TSC22D2: variants seen among roughly 807,000 people sequenced by gnomAD.
The protein encoded by TSC22D2 is TSC22 domain family protein 2.
TSC22D2 carries 5 observed loss-of-function variants against 50.1 expected under a neutral mutation model. That is an observed-to-expected ratio of 0.10 (90% CI 0.05 to 0.21). The LOEUF (loss-of-function observed/expected upper bound fraction) is 0.21. Ranked by LOEUF, TSC22D2 falls within the 10% of genes least tolerant of loss-of-function variation. The pLI, the probability that TSC22D2 is intolerant of heterozygous loss-of-function variation, is 1.00. For synonymous variants in TSC22D2, 501 were observed against 450.1 expected, an observed-to-expected ratio of 1.11 and a Z score of -1.43; for missense variants, 1,003 against 1,015.5, an observed-to-expected ratio of 0.99 and a Z score of 0.17.
Position 150,410,781 on chromosome 3 carries a change from G to T in TSC22D2, c.1431G>T (p.Gln477His), listed in dbSNP as rs960004425. The T allele has an allele frequency of 2.5e-6, 4 of 1,611,962 alleles. No individual in the cohort carries two copies. The South Asian group carries it at 3.3e-5, about 13-fold the overall frequency. Residue 477 changes from glutamine (Q) to histidine (H), a missense_variant, in exon 1 of 3, where the codon CAG becomes CAT. By Grantham distance (24) the Gln-to-His change is conservative. Transcript: ENST00000688009. ...GCCTCGGTCCTGCCGGGGCTGGGCA[G>T]CCCCAGTCCGTGCCTCCGCCGCAGA... Reference protein sequence around the residue: ...QPCLGPAGAGQPQSVPPPQMG... With the variant: ...QPCLGPAGAGHPQSVPPPQMG...
chr3:150,455,868 T>G (rs1224210313), intron 1 of TSC22D2, among the ~76,000 whole-genome samples: 1 of 148,710 alleles, frequency 6.7e-6, no homozygotes, highest in African/African-American at 2.5e-5. Flanking sequence ...AAGAGTAATT[T>G]TTAAAAACCT....
chr3:150,417,841 A>G (rs1719870922), intron 1 of TSC22D2, among the ~76,000 whole-genome samples: 1 of 152,026 alleles, frequency 6.6e-6, no homozygotes, highest in African/African-American at 2.4e-5. Context: ...AAAAAAGGAG[A>G]TGATGTTTTA....
intron 1 of TSC22D2, among the ~76,000 whole-genome samples, chr3:150,424,672 C>T (rs1452737681): frequency 1.3e-5 from 2 of 152,184 alleles, no homozygotes; most frequent in Non-Finnish European, 2.9e-5. Flanking sequence ...AGGCAAGTTG[C>T]GTATCTATGG....
At chr3:150,441,878 A>G (rs1049432805) in intron 1 of TSC22D2, among the ~76,000 whole-genome samples, 2 of 152,138 alleles carry the variant, frequency 1.3e-5, no homozygotes, top group African/African-American at 2.4e-5. Context: ...AGTCACCTGT[A>G]TGCTCTAAGG....
At chr3:150,417,750 AC>A (rs1270607521) in intron 1 of TSC22D2, among the ~76,000 whole-genome samples, 1 of 152,094 alleles carries the variant, frequency 6.6e-6, no homozygotes, top group Non-Finnish European at 1.5e-5. Flanking sequence ...CTCCCAGATC[AC>A]CCCTTTACAT....
chr3:150,410,307 C>T lies in TSC22D2; in HGVS notation c.957C>T (p.Pro319=). Residue 319 remains proline (P), a synonymous_variant, in exon 1 of 3, where the codon CCC becomes CCT. Coordinates refer to ENST00000688009, the MANE Select transcript of TSC22D2 (RefSeq NM_001303264.2). ...CCAGCCAGCCCCAGGGAGCGGGGCC[C>T]GGGGGACAGACTCTGCCGCCGACGA... ...AQPSQPQGAG[P]GGQTLPPTNV... is the part of the protein sequence containing the mutation. 1 of 1,569,158 alleles carries T rather than the reference C, an allele frequency of 6.4e-7. No homozygotes were observed. The highest frequency in any genetic ancestry group is 1.2e-5 in the South Asian group (1 of 85,558).
rs1449616212 is a variant in TSC22D2 at position 150,427,358 on chromosome 3, A to G, written c.1958+16050A>G. The stretch of plus-strand genomic sequence containing the variant: ...CCCCCCATCAGTCACTTCCCCTCCC[A>G]ATCCTAATTTCTAATGTGTTATATA... On this transcript the variant is annotated intron_variant, in intron 1 of 2. Transcript: ENST00000688009. Among the ~76,000 whole-genome samples, 3 of 151,854 alleles carry G rather than the reference A, an allele frequency of 2.0e-5. No homozygotes were observed. In the East Asian group the frequency reaches 5.8e-4, roughly 29 times the overall value.
At chr3:150,425,930 C>G (rs1720168738) in intron 1 of TSC22D2, among the ~76,000 whole-genome samples, 2 of 152,190 alleles carry the variant, frequency 1.3e-5, no homozygotes, top group South Asian at 4.1e-4. Context: ...ACCAAGCAGC[C>G]TGCCTCTGCC....
At chr3:150,440,232 A>G (rs1029740932) in intron 1 of TSC22D2, among the ~76,000 whole-genome samples, 3 of 152,192 alleles carry the variant, frequency 2.0e-5, no homozygotes, top group Non-Finnish European at 4.4e-5. Flanking sequence ...AGGATAAGAT[A>G]AAGGAGAATT....
intron 1 of TSC22D2, among the ~76,000 whole-genome samples, chr3:150,429,029 C>G (rs138595832): frequency 6.6e-6 from 1 of 152,260 alleles, no homozygotes; most frequent in East Asian, 1.9e-4. Flanking sequence ...TGGAATTGAA[C>G]TCCTTTACTT....
Position 150,458,508 on chromosome 3 carries a change from A to T in TSC22D2, c.2143A>T (p.Asn715Tyr). The T allele has an allele frequency of 6.2e-7, 1 of 1,614,216 alleles. No individual in the cohort carries two copies. Among genetic ancestry groups the T allele is most frequent in the Non-Finnish European group, 8.5e-7 (1 of 1,180,036 alleles). The change falls in exon 3 of 3, where the codon AAT becomes TAT. Residue 715 changes from asparagine (N) to tyrosine (Y), a missense_variant. This residue lies in a region of TSC22D2 where 54 missense variants were observed against 51.4 expected (regional missense o/e 1.05). Coordinates refer to ENST00000688009, the MANE Select transcript of TSC22D2 (RefSeq NM_001303264.2). ...ENALLKSLSS[N>Y]DQLSQLPTQQ... ...TGCACTGTTAAAATCTCTTTCAAGC[A>T]ATGATCAATTATCCCAACTCCCAAC...
chr3:150,435,742 A>G (rs1459141375), intron 1 of TSC22D2, among the ~76,000 whole-genome samples: 1 of 152,178 alleles, frequency 6.6e-6, no homozygotes, highest in African/African-American at 2.4e-5. Context: ...TCCATTTTCA[A>G]GTAATTACTT....
chr3:150,443,476 GA>G (rs1720782812), intron 1 of TSC22D2, among the ~76,000 whole-genome samples: 1 of 152,198 alleles, frequency 6.6e-6, no homozygotes, highest in Non-Finnish European at 1.5e-5. Flanking sequence ...ATAACTTAGA[GA>G]TCACAAGGAC....
In TSC22D2 at chr3:150,409,931, T is replaced by A; in HGVS notation, c.581T>A (p.Val194Asp). The A allele has an allele frequency of 1.9e-6, 3 of 1,613,922 alleles. No homozygotes were observed. The highest frequency in any genetic ancestry group is 2.5e-6 in the Non-Finnish European group (3 of 1,180,018). Residue 194 changes from valine (V) to aspartate (D), a missense_variant, in exon 1 of 3, where the codon GTC (valine) becomes GAC (aspartate). Around this residue, in one of 6 missense-constraint regions of TSC22D2, gnomAD observed 696 missense variants for 647.8 expected, o/e 1.07. Coordinates refer to ENST00000688009, the MANE Select transcript of TSC22D2 (RefSeq NM_001303264.2). The surrounding 1 kb of genome is among the most constrained non-coding windows in gnomAD (Gnocchi z 7.4). ...EYYERDSDSSVLTRSGDCIRH... is the reference protein window; with the variant it reads ...EYYERDSDSSDLTRSGDCIRH... Reference sequence around the variant, plus strand: ...TATGAGAGGGATTCAGACAGCAGCGTCCTGACTAGATCCGGGGATTGCATT... The same window carrying A: ...TATGAGAGGGATTCAGACAGCAGCGACCTGACTAGATCCGGGGATTGCATT...
intron 1 of TSC22D2, among the ~76,000 whole-genome samples, chr3:150,448,876 G>GTA (rs34210756): frequency 0.026 from 3,833 of 146,826 alleles, 84 homozygotes; most frequent in African/African-American, 0.056. Context: ...TTTTAATCTT[G>GTA]TATATATATA....
chr3:150,423,088 C>A (rs768331193), intron 1 of TSC22D2: 1 of 1,613,042 alleles, frequency 6.2e-7, no homozygotes, highest in East Asian at 2.2e-5. Flanking sequence ...TCCATTTGAA[C>A]ACGTTAAAGG....
At chr3:150,443,898 T>C (rs563424514) in intron 1 of TSC22D2, among the ~76,000 whole-genome samples, 11 of 152,334 alleles carry the variant, frequency 7.2e-5, no homozygotes, top group Admixed American at 1.3e-4. Flanking sequence ...ATTAAGTTTT[T>C]AACATCCACT....
chr3:150,409,689 G>A lies in TSC22D2; in HGVS notation c.339G>A (p.Val113=). The A allele has an allele frequency of 6.3e-7, 1 of 1,589,490 alleles. No homozygotes were observed. Among genetic ancestry groups the A allele is most frequent in the Non-Finnish European group, 8.5e-7 (1 of 1,169,686 alleles). The change falls in exon 1 of 3, where the codon GTG becomes GTA. Residue 113 remains valine (V), a synonymous_variant. Coordinates refer to ENST00000688009, the MANE Select transcript of TSC22D2 (RefSeq NM_001303264.2). The surrounding 1 kb of genome is among the most constrained non-coding windows in gnomAD (Gnocchi z 7.4). ...GAGGAGTCGTTTCGGCCCGGAGCGT[G>A]TCTGGGGCGCTCGCCAGTACCCTGG... The part of the protein sequence containing the change: ...NGGGVVSARS[V]SGALASTLAA...
chr3:150,411,782 G>T (rs887040095), intron 1 of TSC22D2, among the ~76,000 whole-genome samples: 2 of 152,144 alleles, frequency 1.3e-5, no homozygotes, highest in African/African-American at 4.8e-5. Context: ...ATCTTCTCCA[G>T]TGTATCTGGA....
Sources: gnomAD v4.1 joint callset for allele counts (sites outside exome capture counted in the v4.1 genomes callset) on GRCh38, gnomAD v4.1.1 for gene constraint, gnomAD v4.1.1 regional missense constraint, Gnocchi (gnomAD v3.1) non-coding constraint, MANE v1.5 for transcripts, NCBI Gene and HGNC (gene_info 2026-07-23, HGNC 2026-07-21) for gene names.